DAPK1: variants seen among roughly 807,000 people sequenced by gnomAD.
DAPK1 encodes the protein death associated protein kinase 1.
DAPK1 carries 56 observed loss-of-function variants against 144.9 expected under a neutral mutation model. The observed-to-expected ratio is 0.39, with a 90% CI of 0.31 to 0.48. The LOEUF is 0.48. Among genes scored for constraint, DAPK1 ranks in the 20% least tolerant of loss-of-function variants. DAPK1 has a pLI of 0.95. For missense variants in DAPK1, 1,454 were observed against 1,875.4 expected, an observed-to-expected ratio of 0.78 and a Z score of 4.15; for synonymous variants, 690 against 749.0, an observed-to-expected ratio of 0.92 and a Z score of 1.29.
rs1554704267 is a variant in DAPK1 at position 87,683,085 on chromosome 9, A to AT, written c.2224+1474dup. Among the ~76,000 whole-genome samples the AT allele has an allele frequency of 4.1e-3, 466 of 112,570 alleles. 2 individuals are homozygous for AT. In the Middle Eastern group the frequency reaches 0.042, roughly 10 times the overall value. 73.9% of individuals were successfully genotyped at this position (112,570 alleles called of 152,430 possible). Reference sequence around the variant, plus strand: ...TTAAAGAAAAAAATTTATTTTATTTATTTTTTTTTTTTTTTGAGATGGAGT... The same window carrying AT: ...TTAAAGAAAAAAATTTATTTTATTTATTTTTTTTTTTTTTTTGAGATGGAGT... On this transcript the variant is annotated intron_variant, in intron 20 of 25. Transcript: ENST00000408954.
At chr9:87,576,472 T>A (rs1827564574) in intron 2 of DAPK1, among the ~76,000 whole-genome samples, 1 of 152,234 alleles carries the variant, frequency 6.6e-6, no homozygotes, top group Non-Finnish European at 1.5e-5. Context: ...CTTGGGTGAC[T>A]GGTGAGCCTT....
chr9:87,505,172 T>G (rs1824539571), intron 2 of DAPK1, among the ~76,000 whole-genome samples: 1 of 152,214 alleles, frequency 6.6e-6, no homozygotes. Context: ...ATTGCCTGAC[T>G]CAGCAGGGAA....
intron 18 of DAPK1, among the ~76,000 whole-genome samples, chr9:87,662,932 C>T (rs1250141697): frequency 6.6e-6 from 1 of 151,954 alleles, no homozygotes; most frequent in East Asian, 1.9e-4. Context: ...ATCCTTACTC[C>T]CCAGGTTTCA....
intron 3 of DAPK1, among the ~76,000 whole-genome samples, chr9:87,636,156 G>GGGT (rs1452678916): frequency 4.6e-5 from 7 of 152,248 alleles, no homozygotes; most frequent in African/African-American, 1.7e-4. Flanking sequence ...CCCAAGAGCA[G>GGGT]GGTGGGGAGT....
rs1312273199 is a variant in DAPK1 at position 87,706,904 on chromosome 9, G to A, written c.3833G>A (p.Ser1278Asn). 6.2e-7 allele frequency: 1 copy of A among 1,613,870 alleles called. No homozygotes were observed. Among genetic ancestry groups the A allele is most frequent in the African/African-American group, 1.3e-5 (1 of 74,930 alleles). The change falls in exon 26 of 26, where the codon AGC becomes AAC. Residue 1278 changes from serine to asparagine, a missense_variant. Physicochemically the swap from Ser to Asn is conservative, Grantham distance 46. This residue lies in a region of DAPK1 where 1,025 missense variants were observed against 1,237.9 expected (regional missense o/e 0.83). Coordinates refer to ENST00000408954, the MANE Select transcript of DAPK1 (RefSeq NM_004938.4). The surrounding 1 kb of genome is among the most constrained non-coding windows in gnomAD (Gnocchi z 9.0). Reference sequence around the variant, plus strand: ...AACACCATGGGGGGGTACAAGGAAAGCTTCAGCAGCATCATGTGCTTCGGG... The same window carrying A: ...AACACCATGGGGGGGTACAAGGAAAACTTCAGCAGCATCATGTGCTTCGGG... ...LTNTMGGYKESFSSIMCFGCH... is the reference protein window; with the variant it reads ...LTNTMGGYKENFSSIMCFGCH...
chr9:87,601,113 C>T (rs1259129143), intron 2 of DAPK1, among the ~76,000 whole-genome samples: 1 of 152,194 alleles, frequency 6.6e-6, no homozygotes, highest in East Asian at 1.9e-4. Flanking sequence ...CGGGTCCAGG[C>T]CCAGCTGCCC....
intron 2 of DAPK1, among the ~76,000 whole-genome samples, chr9:87,516,420 A>G (rs1413305532): frequency 6.6e-6 from 1 of 152,070 alleles, no homozygotes; most frequent in Non-Finnish European, 1.5e-5. Context: ...AGCAGGCCTC[A>G]TGAGTCATGA....
Position 87,661,297 on chromosome 9 carries a change from TA to T in DAPK1, c.1923+3172del, listed in dbSNP as rs200275125. Among the ~76,000 whole-genome samples, 745 of 152,302 alleles carry T rather than the reference TA, an allele frequency of 4.9e-3. 7 individuals are homozygous for T. The highest frequency in any genetic ancestry group is 0.016 in the African/African-American group (674 of 41,580). On this transcript the variant is annotated intron_variant, in intron 18 of 25. Transcript: ENST00000408954. ...TACAAGTGCAGGTATGTTTTTGACATAATGATTTATTTTCCTTCAGGTAGAT... is the reference window on the plus strand; with the variant it reads ...TACAAGTGCAGGTATGTTTTTGACATATGATTTATTTTCCTTCAGGTAGAT...
intron 19 of DAPK1, among the ~76,000 whole-genome samples, chr9:87,670,636 C>A (rs919055328): frequency 1.3e-5 from 2 of 152,142 alleles, no homozygotes; most frequent in Non-Finnish European, 2.9e-5. Flanking sequence ...GCTGTGCCCT[C>A]CCAGGTGTAT....
In DAPK1 at chr9:87,580,590, A is replaced by G. The variant is rs75441792; in HGVS notation, c.63-24364A>G. 2.6e-4 allele frequency among the ~76,000 whole-genome samples: 40 copies of G among 152,272 alleles called. No homozygotes were observed. The East Asian group carries it at 7.5e-3, about 29-fold the overall frequency. ...TAGCTTTGGAGGAATTTCTTGCTTC[A>G]TAGTTGAGTTCTTTGGATATTGAGC... On this transcript the variant is annotated intron_variant, in intron 2 of 25. Transcript: ENST00000408954.
At chr9:87,640,945 C>T in intron 9 of DAPK1, 98 bp downstream of exon 9, 1 of 1,170,944 alleles carries the variant, frequency 8.5e-7, no homozygotes, top group Non-Finnish European at 1.3e-6. Flanking sequence ...AACCACAGGT[C>T]ACACCTGGAG....
intron 15 of DAPK1, among the ~76,000 whole-genome samples, chr9:87,649,618 A>T (rs1830377342): frequency 6.6e-6 from 1 of 152,208 alleles, no homozygotes; most frequent in Admixed American, 6.5e-5. Flanking sequence ...CGATGGTTTC[A>T]ACGGGCTCCC....
intron 2 of DAPK1, among the ~76,000 whole-genome samples, chr9:87,572,660 C>G (rs545857504): frequency 1.3e-5 from 2 of 152,136 alleles, no homozygotes; most frequent in African/African-American, 4.8e-5. Flanking sequence ...AGTGCCTGCT[C>G]CTACTTCACC....
At chr9:87,566,923 G>A (rs1827147297) in intron 2 of DAPK1, among the ~76,000 whole-genome samples, 1 of 152,176 alleles carries the variant, frequency 6.6e-6, no homozygotes, top group Non-Finnish European at 1.5e-5. Flanking sequence ...AATCACTATG[G>A]AAAGAGCATG....
At chr9:87,512,123 T>C (rs1824871573) in intron 2 of DAPK1, among the ~76,000 whole-genome samples, 1 of 152,188 alleles carries the variant, frequency 6.6e-6, no homozygotes. Flanking sequence ...AGTGGTGTGA[T>C]CATAGCTCAC....
At chr9:87,594,222 G>A (rs3095748) in intron 2 of DAPK1, among the ~76,000 whole-genome samples, 141,734 of 152,208 alleles carry the variant, frequency 0.93, 66,105 homozygotes, top group African/African-American at 0.97. Flanking sequence ...GATTGTATCA[G>A]GTTATGCTTT....
At chr9:87,562,285 G>A (rs886558296) in intron 2 of DAPK1, among the ~76,000 whole-genome samples, 7 of 152,226 alleles carry the variant, frequency 4.6e-5, no homozygotes, top group Admixed American at 3.9e-4. Context: ...CCCCAATAGC[G>A]AACGTGAGTT....
intron 2 of DAPK1, among the ~76,000 whole-genome samples, chr9:87,580,795 A>T (rs747087925): frequency 6.6e-6 from 1 of 152,184 alleles, no homozygotes; most frequent in African/African-American, 2.4e-5. Flanking sequence ...AGTCTCCCAC[A>T]TAGGACCGAG....
intron 2 of DAPK1, among the ~76,000 whole-genome samples, chr9:87,515,522 G>A (rs1231560953): frequency 6.6e-6 from 1 of 152,108 alleles, no homozygotes; most frequent in East Asian, 1.9e-4. Flanking sequence ...TTGTTTTGGG[G>A]GCACTGGGGG....
Sources: gnomAD v4.1 joint callset for allele counts (sites outside exome capture counted in the v4.1 genomes callset) on GRCh38, gnomAD v4.1.1 for gene constraint, gnomAD v4.1.1 regional missense constraint, Gnocchi (gnomAD v3.1) non-coding constraint, MANE v1.5 for transcripts, NCBI Gene and HGNC (gene_info 2026-07-23, HGNC 2026-07-21) for gene names.